Variants in NEAT1 observed in about 807,000 individuals in gnomAD.
NEAT1 encodes the protein MENepsilon/beta.
At chr11:65,424,955 A>G (rs1856546157) in exon 1 of NEAT1, 1 of 151,822 alleles carries the variant, frequency 6.6e-6, no homozygotes, top group African/African-American at 2.4e-5. Context: ...GCAGCTTGGC[A>G]CTGGTACTGG....
chr11:65,444,401 A>C, exon 1 of NEAT1: 1 of 466,570 alleles, frequency 2.1e-6, no homozygotes, highest in Non-Finnish European at 4.4e-6. Context: ...CCCAGCTCTC[A>C]CCCTGGCCTG....
exon 1 of NEAT1, chr11:65,423,969 T>C (rs1856533483): frequency 6.6e-6 from 1 of 152,322 alleles, no homozygotes; most frequent in Admixed American, 6.5e-5. Context: ...ATAGTGTTCC[T>C]CATGGCGAGC....
exon 1 of NEAT1, chr11:65,426,550 T>C (rs923764686): frequency 1.3e-5 from 2 of 152,246 alleles, no homozygotes; most frequent in South Asian, 2.1e-4. Flanking sequence ...ATTGCTATGT[T>C]ACATTTCTCG....
At chr11:65,437,195 G>GTATATATATATATATGTGTATATATA (rs1565634255) in exon 1 of NEAT1, 8 of 129,052 alleles carry the variant, frequency 6.2e-5, no homozygotes, top group African/African-American at 2.4e-4. Flanking sequence ...ATATATATAT[G>GTATATATATATATATGTGTATATATA]TATATATATA....
exon 1 of NEAT1, chr11:65,424,348 C>G (rs1417293671): frequency 6.6e-6 from 1 of 152,148 alleles, no homozygotes; most frequent in African/African-American, 2.4e-5. Flanking sequence ...TAAATTGAGC[C>G]TCCGGTCATA....
exon 1 of NEAT1, chr11:65,437,214 TATATATATATATAC>T (rs1445480038): frequency 4.5e-4 from 63 of 140,078 alleles, no homozygotes; most frequent in African/African-American, 1.8e-3. Flanking sequence ...TATATATGTA[TATATATATATATAC>T]ATATATATAT....
exon 1 of NEAT1, chr11:65,430,119 C>T (rs997712561): frequency 6.6e-6 from 1 of 152,332 alleles, no homozygotes; most frequent in East Asian, 1.9e-4. Context: ...ACTTAACCTC[C>T]CCAAGCCTGT....
chr11:65,425,642 T>C (rs1039542030), exon 1 of NEAT1: 12 of 152,202 alleles, frequency 7.9e-5, no homozygotes, highest in African/African-American at 2.9e-4. Context: ...TGGGCTCTTC[T>C]GGATTTGTTC....
chr11:65,422,878 A>G, exon 1 of NEAT1: 1 of 152,514 alleles, frequency 6.6e-6, no homozygotes, highest in East Asian at 1.9e-4. Context: ...CAGGGGACAG[A>G]CAGGGAGAGA....
At chr11:65,438,706 T>G (rs1856688021) in exon 1 of NEAT1, 1 of 152,228 alleles carries the variant, frequency 6.6e-6, no homozygotes, top group Middle Eastern at 3.2e-3. Flanking sequence ...TCATTCATGT[T>G]GCAGCATATA....
At chr11:65,444,327 G>A (rs1856744445) in exon 1 of NEAT1, 1 of 425,942 alleles carries the variant, frequency 2.3e-6, no homozygotes, top group Non-Finnish European at 4.7e-6. Flanking sequence ...GTGTGTAAAA[G>A]AGAGAAGTTG....
chr11:65,444,199 C>A, exon 1 of NEAT1: 1 of 306,812 alleles, frequency 3.3e-6, no homozygotes, highest in South Asian at 2.7e-5. Flanking sequence ...CAACACATTC[C>A]CCACCCCTTT....
rs66756887 is a variant in NEAT1, at chr11:65,444,263, CTGTGTGTGTGTGTGTGTGTGTGTGTGTG to C, written n.21498_21525del. On this transcript the variant is annotated non_coding_transcript_exon_variant, in exon 1 of 1. Coordinates refer to ENST00000501122, the Ensembl canonical transcript of NEAT1. ...CGGAGCCCACCTGGTAGTCCTCAGA[CTGTGTGTGTGTGTGTGTGTGTGTGTGTG>C]TGTGTGTGTGTGTGTGTGTGTGTGT... is the stretch of plus-strand genomic sequence containing the variant. 730 of 254,764 alleles carry C rather than the reference CTGTGTGTGTGTGTGTGTGTGTGTGTGTG, an allele frequency of 2.9e-3. 1 individual carries two copies. Among genetic ancestry groups the C allele is most frequent in the African/African-American group, 7.6e-3 (232 of 30,640 alleles). The allele number at this position is 254,764 out of a possible 1,614,324, so 15.8% of individuals were successfully genotyped here.
chr11:65,442,935 T>C (rs1480005769), exon 1 of NEAT1: 2 of 152,238 alleles, frequency 1.3e-5, no homozygotes, highest in Non-Finnish European at 2.9e-5. Context: ...TCAGTCCTGA[T>C]GTATAATTTG....
At chr11:65,431,098 G>A (rs1856610089) in exon 1 of NEAT1, 1 of 152,122 alleles carries the variant, frequency 6.6e-6, no homozygotes, top group Non-Finnish European at 1.5e-5. Flanking sequence ...CTGTGAGTTT[G>A]ACTATTCCAA....
chr11:65,444,037 A>G, exon 1 of NEAT1: 1 of 177,372 alleles, frequency 5.6e-6, no homozygotes, highest in South Asian at 9.3e-5. Flanking sequence ...GATGGCCGTG[A>G]ATGTTTCCTC....
chr11:65,429,272 C>T (rs1013879132), exon 1 of NEAT1: 5 of 152,288 alleles, frequency 3.3e-5, no homozygotes, highest in African/African-American at 1.2e-4. Context: ...GTTCATATTG[C>T]TAAACTGCCC....
At chr11:65,445,207 G>A (rs1856755583) in exon 1 of NEAT1, 1 of 152,276 alleles carries the variant, frequency 6.6e-6, no homozygotes, top group African/African-American at 2.4e-5. Flanking sequence ...GAGCTGAAGG[G>A]CCAGCACCTT....
At chr11:65,432,985 C>T (rs1314713426) in exon 1 of NEAT1, 2 of 150,454 alleles carry the variant, frequency 1.3e-5, no homozygotes, top group African/African-American at 2.4e-5. Flanking sequence ...GAATAATATC[C>T]TCCAGCTCCA....
Sources: allele counts gnomAD v4.1 joint callset, GRCh38; gene constraint gnomAD v4.1.1; transcripts MANE v1.5; gene names NCBI Gene and HGNC (gene_info 2026-07-23, HGNC 2026-07-21).